Variants in CACNA1H observed in about 807,000 individuals in gnomAD.
The protein encoded by CACNA1H is calcium voltage-gated channel subunit alpha1 H.
Under a neutral mutation model 192.5 loss-of-function variants are expected in CACNA1H, and 149 were observed. That is an observed-to-expected ratio of 0.77 (90% CI 0.68 to 0.89). The LOEUF (loss-of-function observed/expected upper bound fraction) is 0.89. Ranked by LOEUF, CACNA1H falls within the 40% of genes least tolerant of loss-of-function variation. The pLI is 0.00. For missense variants in CACNA1H, 4,257 were observed against 3,423.5 expected, an observed-to-expected ratio of 1.24 and a Z score of -6.08; for synonymous variants, 2,202 against 1,475.2, an observed-to-expected ratio of 1.49 and a Z score of -11.29.
rs1284409915 is a variant in CACNA1H, at chr16:1,201,948, C to A, written c.1498C>A (p.Pro500Thr). Residue 500 changes from proline (P) to threonine (T), a missense_variant, in exon 9 of 35, where the codon CCC becomes ACC. Transcript: ENST00000348261. ...VDPSAVQGQGPGHRQRRAGRH... is the reference protein window; with the variant it reads ...VDPSAVQGQGTGHRQRRAGRH... ...CCCCAGTGCTGTGCAAGGCCAGGGT[C>A]CCGGGCACCGCCAGCGCCGGGCAGG... 1 of 1,547,182 alleles carries A rather than the reference C, an allele frequency of 6.5e-7. No individual in the cohort carries two copies. The highest frequency in any genetic ancestry group is 2.4e-5 in the East Asian group (1 of 40,824).
chr16:1,164,315 C>A (rs1283684984), intron 2 of CACNA1H, among the ~76,000 whole-genome samples: 1 of 152,180 alleles, frequency 6.6e-6, no homozygotes, highest in Non-Finnish European at 1.5e-5. Flanking sequence ...ATCTGATGAA[C>A]CCTGTCCTGT....
intron 14 of CACNA1H, 79 bp downstream of exon 14, chr16:1,207,509 G>A (rs928470554): frequency 1.4e-6 from 2 of 1,455,176 alleles, no homozygotes; most frequent in Non-Finnish European, 9.4e-7. Flanking sequence ...GGAGGGGTGT[G>A]GGGGGCCTGC....
At position 1,221,652 on chromosome 16, in the gene CACNA1H, T is replaced by G. The variant is rs1301973679; in HGVS notation, c.*658T>G. On this transcript the variant is annotated 3_prime_UTR_variant, in exon 35 of 35. Transcript: ENST00000348261. Reference sequence around the variant, plus strand: ...GGCCGCGAGATTCCCATTGACACCTTTGTTTCGTGTGCTTTTAAATTCAGG... The same window carrying G: ...GGCCGCGAGATTCCCATTGACACCTGTGTTTCGTGTGCTTTTAAATTCAGG... 1.6e-5 allele frequency: 16 copies of G among 973,872 alleles called. No individual in the cohort carries two copies. Among genetic ancestry groups the G allele is most frequent in the Middle Eastern group, 3.3e-4 (1 of 3,002 alleles). The allele number at this position is 973,872 out of a possible 1,614,324, so 60.3% of individuals were successfully genotyped here.
Position 1,220,320 on chromosome 16 carries a change from C to A in CACNA1H, c.6388C>A (p.Arg2130=). The A allele has an allele frequency of 6.4e-7, 1 of 1,557,000 alleles. No homozygotes were observed. Among genetic ancestry groups the A allele is most frequent in the Non-Finnish European group, 8.6e-7 (1 of 1,159,110 alleles). The change falls in exon 35 of 35, where the codon CGG becomes AGG. Residue 2130 remains arginine, a synonymous_variant. Coordinates refer to ENST00000348261, the MANE Select transcript of CACNA1H (RefSeq NM_021098.3). ...AGCCTCTCCGGTGGCCGGCGGCGAG[C>A]GGGACCTGCGCAGGCTCTACAGCGT... The part of the protein sequence containing the change: ...PEASPVAGGE[R]DLRRLYSVDA...
intron 2 of CACNA1H, among the ~76,000 whole-genome samples, chr16:1,179,884 G>T (rs1296098659): frequency 2.0e-5 from 3 of 151,940 alleles, no homozygotes; most frequent in African/African-American, 7.3e-5. Flanking sequence ...ACAGGCATGT[G>T]CCACCACGCC....
At chr16:1,209,505 G>T (rs1257510754) in intron 17 of CACNA1H, 93 bp downstream of exon 17, 6 of 1,470,782 alleles carry the variant, frequency 4.1e-6, no homozygotes, top group Non-Finnish European at 5.5e-6. Flanking sequence ...TTCAGGGCGT[G>T]TTGTTGACTG....
intron 2 of CACNA1H, among the ~76,000 whole-genome samples, chr16:1,154,240 CCTCCGGACTCCCTTCCCCAGGGCCGG>C (rs1961986772): frequency 6.6e-6 from 1 of 151,898 alleles, no homozygotes; most frequent in South Asian, 2.1e-4. Context: ...CCACCGGGCG[CCTCCGGACTCCCTTCCCCAGGGCCGG>C]CTCCGGACGG....
chr16:1,194,860 C>G lies in CACNA1H; in HGVS notation c.300-112C>G, dbSNP rs1376418609. Reference sequence around the variant, plus strand: ...AGTCCCCCACCCCATCCTGGACACCCCCACGCGCGCACACCCGTGGCGGGG... The same window carrying G: ...AGTCCCCCACCCCATCCTGGACACCGCCACGCGCGCACACCCGTGGCGGGG... On this transcript the variant is annotated intron_variant, in intron 2 of 34. Coordinates refer to ENST00000348261, the MANE Select transcript of CACNA1H (RefSeq NM_021098.3). 3.0e-5 allele frequency: 23 copies of G among 775,304 alleles called. 1 individual carries two copies. The highest frequency in any genetic ancestry group is 2.7e-4 in the South Asian group (19 of 69,954). The allele number at this position is 775,304 out of a possible 1,614,324, so 48.0% of individuals were successfully genotyped here.
chr16:1,195,789 C>T (rs1966892681), intron 4 of CACNA1H, 137 bp from the exon 5 acceptor site: 5 of 872,714 alleles, frequency 5.7e-6, no homozygotes, highest in Non-Finnish European at 9.5e-6. Context: ...TACCTCGGGG[C>T]CCTTCCTGGC....
In CACNA1H at chr16:1,153,718, A is replaced by G; in HGVS notation, c.-18-2A>G. 8.3e-7 allele frequency: 1 copy of G among 1,198,974 alleles called. No individual in the cohort carries two copies. Among genetic ancestry groups the G allele is most frequent in the Non-Finnish European group, 1.0e-6 (1 of 967,558 alleles). The allele number at this position is 1,198,974 out of a possible 1,614,324, so 74.3% of individuals were successfully genotyped here. On this transcript the variant is annotated splice_acceptor_variant, in intron 1 of 34. Coordinates refer to ENST00000348261, the MANE Select transcript of CACNA1H (RefSeq NM_021098.3). LOFTEE classifies it low-confidence loss of function (5UTR_SPLICE). The stretch of plus-strand genomic sequence containing the variant: ...CCCCGGGTCACCCCCTGTCCTCTGC[A>G]GGTGCTGCCGGCCGCCACCATGACC...
At position 1,215,665 on chromosome 16, in the gene CACNA1H, C is replaced by T. The variant is rs912429861; in HGVS notation, c.5244+72C>T. On this transcript the variant is annotated intron_variant, in intron 30 of 34. Transcript: ENST00000348261. Reference sequence around the variant, plus strand: ...GGTTGCAGGGAGCGCCTCGCCGTCCCCCTCTCCCCCTCACTCGTTTCTCTG... The same window carrying T: ...GGTTGCAGGGAGCGCCTCGCCGTCCTCCTCTCCCCCTCACTCGTTTCTCTG... The T allele has an allele frequency of 2.4e-5, 28 of 1,191,270 alleles. 1 individual carries two copies. The South Asian group carries it at 3.3e-4, about 14-fold the overall frequency. 73.8% of individuals were successfully genotyped at this position (1,191,270 alleles called of 1,614,324 possible).
intron 6 of CACNA1H, 48 bp from the exon 7 acceptor site, chr16:1,200,207 GT>G (rs1567507034): frequency 6.8e-7 from 1 of 1,481,258 alleles, no homozygotes; most frequent in Non-Finnish European, 9.2e-7. Context: ...GACTCTGACC[GT>G]CCCTGACCCT....
rs757938290 is a variant in CACNA1H, at chr16:1,210,872, C to T, written c.4124C>T (p.Ser1375Phe). ...CTGGATGGGCTGCTGGTGCTGGTGT[C>T]CCTGGTGGACATTGTCGTGGCCATG... The part of the protein sequence containing the change: ...NLLDGLLVLV[S>F]LVDIVVAMAS... The change falls in exon 21 of 35, where the codon TCC (serine) becomes TTC (phenylalanine). Residue 1375 changes from serine to phenylalanine, a missense_variant. Ser to Phe is a radical substitution (Grantham distance 155). Transcript: ENST00000348261. 6.2e-7 allele frequency: 1 copy of T among 1,605,638 alleles called. No homozygotes were observed. The highest frequency in any genetic ancestry group is 8.5e-7 in the Non-Finnish European group (1 of 1,179,728).
At position 1,195,433 on chromosome 16, in the gene CACNA1H, C is replaced by A; in HGVS notation, c.413C>A (p.Ala138Asp). Residue 138 changes from alanine to aspartate, a missense_variant and splice_region_variant, in exon 4 of 35, where the codon GCC becomes GAC. Physicochemically the swap from Ala to Asp is moderately radical, Grantham distance 126. Coordinates refer to ENST00000348261, the MANE Select transcript of CACNA1H (RefSeq NM_021098.3). ...CCCTCCTGATGCCTCCTCCCGCAGG[C>A]CTTTGACGCCTTCATTTTCGCCTTT... ...CGSERCNILE[A>D]FDAFIFAFFA... The A allele has an allele frequency of 1.9e-6, 3 of 1,552,506 alleles. No homozygotes were observed. The highest frequency in any genetic ancestry group is 2.6e-6 in the Non-Finnish European group (3 of 1,147,516).
rs759289408 is a variant in CACNA1H at position 1,216,941 on chromosome 16, C to T, written c.5254C>T (p.Leu1752=). Residue 1752 remains leucine (L), a synonymous_variant, in exon 31 of 35, where the codon CTG becomes TTG. Transcript: ENST00000348261. ...VVQALPQVGN[L]GLLFMLLFFI... ...CTTCTCTCTTGTGTAGGTGGGGAACCTGGGCCTTCTTTTCATGCTCCTGTT... is the reference window on the plus strand; with the variant it reads ...CTTCTCTCTTGTGTAGGTGGGGAACTTGGGCCTTCTTTTCATGCTCCTGTT... 12 of 1,603,080 alleles carry T rather than the reference C, an allele frequency of 7.5e-6. No homozygotes were observed. The highest frequency in any genetic ancestry group is 5.6e-5 in the South Asian group (5 of 88,898).
Position 1,195,441 on chromosome 16 carries a change from G to C in CACNA1H, c.421G>C (p.Ala141Pro). Reference protein sequence around the residue: ...ERCNILEAFDAFIFAFFAVEM... With the variant: ...ERCNILEAFDPFIFAFFAVEM... ...ATGCCTCCTCCCGCAGGCCTTTGAC[G>C]CCTTCATTTTCGCCTTTTTTGCGGT... Residue 141 changes from alanine (A) to proline (P), a missense_variant, in exon 4 of 35, where the codon GCC (alanine) becomes CCC (proline). By Grantham distance (27) the Ala-to-Pro change is conservative (BLOSUM62 -1). Transcript: ENST00000348261. 1.9e-6 allele frequency: 3 copies of C among 1,554,772 alleles called. No homozygotes were observed. In the East Asian group the frequency reaches 7.3e-5, roughly 38 times the overall value.
intron 2 of CACNA1H, among the ~76,000 whole-genome samples, chr16:1,169,376 A>G (rs1964131911): frequency 6.6e-6 from 1 of 152,116 alleles, no homozygotes; most frequent in African/African-American, 2.4e-5. Context: ...CCTCTGACAC[A>G]GGTGTCGTGG....
chr16:1,194,953 C>T lies in CACNA1H; in HGVS notation c.300-19C>T, dbSNP rs776750966. 19 of 1,587,414 alleles carry T rather than the reference C, an allele frequency of 1.2e-5. No individual in the cohort carries two copies. Among genetic ancestry groups the T allele is most frequent in the South Asian group, 5.5e-5 (5 of 90,642 alleles). On this transcript the variant is annotated intron_variant, in intron 2 of 34. Transcript: ENST00000348261. ...GGGTCCCGGGCCGCGCCGGTGTGCT[C>T]CTTAACCCGCGGCGACACATGGTTC...
At chr16:1,206,513 T>C in intron 12 of CACNA1H, 1 of 560,068 alleles carries the variant, frequency 1.8e-6, no homozygotes. Flanking sequence ...GGGTCAGAGA[T>C]GGGCCGCCAG....
Sources: allele counts gnomAD v4.1 joint callset (sites outside exome capture counted in the v4.1 genomes callset), GRCh38; gene constraint gnomAD v4.1.1; transcripts MANE v1.5; gene names NCBI Gene and HGNC (gene_info 2026-07-23, HGNC 2026-07-21).